Variants in TANGO6 observed in about 807,000 individuals in gnomAD.
The protein encoded by TANGO6 is transport and golgi organization 6 homolog, also known as transport and Golgi organization protein 6 homolog.
A neutral mutation model predicts 114.2 loss-of-function variants in TANGO6; 90 were observed. That is an observed-to-expected ratio of 0.79 (90% CI 0.66 to 0.94). The LOEUF is 0.94. Ranked by LOEUF, TANGO6 falls within the 40% of genes least tolerant of loss-of-function variation. The pLI, the probability that TANGO6 is intolerant of heterozygous loss-of-function variation, is 0.00. For missense variants in TANGO6, 1,274 were observed against 1,315.3 expected (o/e 0.97, Z 0.49); for synonymous variants, 477 against 509.8 (o/e 0.94, Z 0.87).
intron 15 of TANGO6, among the ~76,000 whole-genome samples, chr16:68,985,052 A>T (rs935763431): frequency 1.4e-5 from 2 of 143,872 alleles, no homozygotes; most frequent in African/African-American, 5.2e-5. Context: ...GTTTTTTTTT[A>T]AATAGAAATG....
rs919913330 is a variant in TANGO6, at chr16:69,015,672, C to T, written c.2843-7156C>T. On this transcript the variant is annotated intron_variant, in intron 15 of 17. Coordinates refer to ENST00000261778, the MANE Select transcript of TANGO6 (RefSeq NM_024562.2). ...AATTTTTTGTATTTTTAATAGAGAC[C>T]GGGTTTCGCCATGTTAGCCAGGATG... Among the ~76,000 whole-genome samples the T allele has an allele frequency of 4.6e-5, 7 of 151,566 alleles. No individual in the cohort carries two copies. The South Asian group carries it at 8.4e-4, about 18-fold the overall frequency.
At chr16:68,863,639 G>A (rs1220239239) in intron 3 of TANGO6, among the ~76,000 whole-genome samples, 1 of 152,118 alleles carries the variant, frequency 6.6e-6, no homozygotes, top group Admixed American at 6.6e-5. Context: ...AATTTTATGT[G>A]AGATATATTT....
At chr16:68,953,659 G>A (rs1963496314) in intron 14 of TANGO6, among the ~76,000 whole-genome samples, 1 of 152,106 alleles carries the variant, frequency 6.6e-6, no homozygotes, top group South Asian at 2.1e-4. Context: ...CCGTTCTGTA[G>A]GGAAGATACT....
intron 17 of TANGO6, among the ~76,000 whole-genome samples, chr16:69,081,091 G>C (rs1026695219): frequency 1.2e-4 from 19 of 152,086 alleles, no homozygotes; most frequent in African/African-American, 4.1e-4. Context: ...TGAGCCAAGA[G>C]TGCGCCACTG....
intron 16 of TANGO6, among the ~76,000 whole-genome samples, 159 bp downstream of exon 16, chr16:69,023,138 C>T (rs544635906): frequency 6.6e-6 from 1 of 152,094 alleles, no homozygotes; most frequent in East Asian, 1.9e-4. Flanking sequence ...AAGGCTTCAT[C>T]TGTCTCACAT....
intron 14 of TANGO6, among the ~76,000 whole-genome samples, chr16:68,968,210 C>T (rs574209200): frequency 2.0e-5 from 3 of 152,070 alleles, no homozygotes; most frequent in South Asian, 2.1e-4. Context: ...GGACTACAGG[C>T]GCACGCCACC....
rs768033498 is a variant in TANGO6, at chr16:68,909,278, T to C, written c.1868T>C (p.Leu623Pro). Residue 623 changes from leucine to proline, a missense_variant, in exon 11 of 18, where the codon CTC becomes CCC. Leu to Pro is a moderately conservative substitution (Grantham distance 98, BLOSUM62 -3). Coordinates refer to ENST00000261778, the MANE Select transcript of TANGO6 (RefSeq NM_024562.2). The part of the protein sequence containing the change: ...LKTEPFSSKS[L>P]LELEQHQTLL... ...ACTGAGCCCTTCTCCAGCAAGAGCC[T>C]CTTGGAATTAGAGCAACATCAGACT... 1 of 1,610,188 alleles carries C rather than the reference T, an allele frequency of 6.2e-7. No individual in the cohort carries two copies. Among genetic ancestry groups the C allele is most frequent in the South Asian group, 1.1e-5 (1 of 90,284 alleles).
intron 7 of TANGO6, among the ~76,000 whole-genome samples, chr16:68,895,525 G>C (rs1428848997): frequency 6.6e-6 from 1 of 152,182 alleles, no homozygotes; most frequent in Admixed American, 6.5e-5. Context: ...TAGTTCAGGG[G>C]TTGGGAGATA....
At position 68,843,638 on chromosome 16, in the gene TANGO6, G is replaced by A. The variant is rs764178651; in HGVS notation, c.21G>A (p.Val7=). The part of the protein sequence containing the change: MAARQA[V]GSGAQETCGL... ...CAGTCATGGCGGCCCGACAGGCCGTGGGCAGCGGGGCTCAGGAGACATGCG... is the reference window on the plus strand; with the variant it reads ...CAGTCATGGCGGCCCGACAGGCCGTAGGCAGCGGGGCTCAGGAGACATGCG... The change falls in exon 1 of 18, where the codon GTG becomes GTA. Residue 7 remains valine (V), a synonymous_variant. Coordinates refer to ENST00000261778, the MANE Select transcript of TANGO6 (RefSeq NM_024562.2). The A allele has an allele frequency of 1.1e-5, 18 of 1,613,664 alleles. No individual in the cohort carries two copies. The South Asian group carries it at 1.8e-4, about 16-fold the overall frequency.
intron 16 of TANGO6, among the ~76,000 whole-genome samples, chr16:69,028,223 A>G (rs1959536935): frequency 6.6e-6 from 1 of 152,124 alleles, no homozygotes; most frequent in South Asian, 2.1e-4. Context: ...GGCCTCCCAA[A>G]GTGCTGGGAT....
rs1962123020 is a variant in TANGO6 at position 68,862,990 on chromosome 16, G to T, written c.781G>T (p.Asp261Tyr). 1.2e-6 allele frequency: 2 copies of T among 1,600,992 alleles called. No individual in the cohort carries two copies. The highest frequency in any genetic ancestry group is 1.7e-6 in the Non-Finnish European group (2 of 1,173,958). Reference protein sequence around the residue: ...ERTLSRGALRDMLDQVYQPLA... With the variant: ...ERTLSRGALRYMLDQVYQPLA... ...AACCCTATCCAGGGGGGCCTTGAGA[G>T]ACATGCTGGATCAAGTCTATCAGCC... The change falls in exon 3 of 18, where the codon GAC (aspartate) becomes TAC (tyrosine). Residue 261 changes from aspartate (D) to tyrosine (Y), a missense_variant. Coordinates refer to ENST00000261778, the MANE Select transcript of TANGO6 (RefSeq NM_024562.2).
At chr16:69,068,432 G>A (rs917170540) in intron 17 of TANGO6, among the ~76,000 whole-genome samples, 2 of 152,276 alleles carry the variant, frequency 1.3e-5, no homozygotes, top group African/African-American at 4.8e-5. Flanking sequence ...TGTGAACCTG[G>A]GCAAATTGGA....
chr16:69,009,269 C>CG (rs1964124349), intron 15 of TANGO6, among the ~76,000 whole-genome samples: 2 of 150,894 alleles, frequency 1.3e-5, no homozygotes, highest in Non-Finnish European at 3.0e-5. Flanking sequence ...TTAGTAGAGA[C>CG]GGGGTTTCTC....
At chr16:69,025,886 C>CT (rs1959493586) in intron 16 of TANGO6, 1 of 239,288 alleles carries the variant, frequency 4.2e-6, no homozygotes, top group Admixed American at 4.1e-5. Context: ...CCAAAGCCTC[C>CT]TGAACCCCTT....
rs1202406804 is a variant in TANGO6, at chr16:68,860,384, T to C, written c.595T>C (p.Cys199Arg). Residue 199 changes from cysteine (C) to arginine (R), a missense_variant, in exon 2 of 18, where the codon TGC (cysteine) becomes CGC (arginine). Physicochemically the swap from Cys to Arg is radical, Grantham distance 180. Around this residue, in one of 5 missense-constraint regions of TANGO6, gnomAD observed 908 missense variants for 910.2 expected, o/e 1.00. Coordinates refer to ENST00000261778, the MANE Select transcript of TANGO6 (RefSeq NM_024562.2). ...PDATRRLYTS[C>R]KALLNVAQHT... ...TGCAACTCGAAGACTGTACACCAGC[T>C]GCAAGGCCCTTCTGAATGTTGCTCA... is the stretch of plus-strand genomic sequence containing the variant. 6.2e-7 allele frequency: 1 copy of C among 1,614,030 alleles called. No individual in the cohort carries two copies. Among genetic ancestry groups the C allele is most frequent in the East Asian group, 2.2e-5 (1 of 44,886 alleles).
chr16:68,849,192 G>C (rs1336870721), intron 1 of TANGO6, among the ~76,000 whole-genome samples: 1 of 152,088 alleles, frequency 6.6e-6, no homozygotes, highest in Admixed American at 6.6e-5. Context: ...AAAATTAGCC[G>C]AGTGCTATGG....
chr16:68,964,118 A>G (rs950666426), intron 14 of TANGO6, among the ~76,000 whole-genome samples: 1 of 152,054 alleles, frequency 6.6e-6, no homozygotes, highest in Non-Finnish European at 1.5e-5. Context: ...AGATTTTTTA[A>G]AACATTTTAT....
rs187275990 is a variant in TANGO6, at chr16:68,870,782, G to T, written c.994+3562G>T. Among the ~76,000 whole-genome samples, 5 of 151,334 alleles carry T rather than the reference G, an allele frequency of 3.3e-5. No homozygotes were observed. In the East Asian group the frequency reaches 9.7e-4, roughly 29 times the overall value. ...TTTAGTTGCCATTTCTTTTAGTGTA[G>T]GTCTACTGGCAATGAATTTCTTTTT... On this transcript the variant is annotated intron_variant, in intron 4 of 17. Coordinates refer to ENST00000261778, the MANE Select transcript of TANGO6 (RefSeq NM_024562.2).
intron 3 of TANGO6, 92 bp from the exon 4 acceptor site, chr16:68,866,975 CTTTTTTTTTTTT>C: frequency 2.6e-5 from 6 of 227,116 alleles, no homozygotes; most frequent in African/African-American, 6.6e-5. Context: ...GCTATTTCTC[CTTTTTTTTTTTT>C]TTTTTTTTTT....
Sources: allele counts gnomAD v4.1 joint callset (sites outside exome capture counted in the v4.1 genomes callset), GRCh38; gene constraint gnomAD v4.1.1; regional missense constraint gnomAD v4.1.1; transcripts MANE v1.5; gene names NCBI Gene and HGNC (gene_info 2026-07-23, HGNC 2026-07-21).